KCNA2: variants seen among roughly 807,000 people sequenced by gnomAD.
KCNA2 encodes potassium voltage-gated channel subfamily A member 2.
A neutral mutation model predicts 33.4 loss-of-function variants in KCNA2; 11 were observed. The observed-to-expected ratio is 0.33, with a 90% confidence interval of 0.21 to 0.55. The LOEUF is 0.55. Ranked by LOEUF, KCNA2 falls within the 20% of genes least tolerant of loss-of-function variation. KCNA2 has a pLI of 0.93. For missense variants in KCNA2, 291 were observed against 621.6 expected (o/e 0.47, Z 5.66); for synonymous variants, 222 against 231.3 (o/e 0.96, Z 0.37).
chr1:110,605,101 T>C (rs1056627909), intron 2 of KCNA2, among the ~76,000 whole-genome samples, 156 bp from the exon 3 acceptor site: 4 of 152,180 alleles, frequency 2.6e-5, no homozygotes, highest in African/African-American at 9.7e-5. Context: ...CCTTGTAACT[T>C]GTCTGGGGAT....
intron 1 of KCNA2, among the ~76,000 whole-genome samples, chr1:110,621,335 A>G (rs567422506): frequency 3.0e-4 from 46 of 152,390 alleles, no homozygotes; most frequent in Non-Finnish European, 5.0e-4. Flanking sequence ...TTCATTAAAA[A>G]GCAACAACAA....
Position 110,602,095 on chromosome 1 carries a change from C to G in KCNA2, c.*1188G>C, listed in dbSNP as rs1440350094. ...GTCATGCCCGCGACTAGGTTAATTCCTAAGGTGCAGTCATGTGAGGTGTTC... is the reference window on the plus strand; with the variant it reads ...GTCATGCCCGCGACTAGGTTAATTCGTAAGGTGCAGTCATGTGAGGTGTTC... On this transcript the variant is annotated 3_prime_UTR_variant, in exon 3 of 3. Transcript: ENST00000316361. The G allele has an allele frequency of 6.4e-7, 1 of 1,550,528 alleles. No individual in the cohort carries two copies. The highest frequency in any genetic ancestry group is 2.4e-5 in the East Asian group (1 of 40,922).
Position 110,600,132 on chromosome 1 carries a change from T to A in KCNA2, c.*3151A>T, listed in dbSNP as rs538042859. 5 of 984,670 alleles carry A rather than the reference T, an allele frequency of 5.1e-6. No homozygotes were observed. The South Asian group carries it at 2.4e-4, about 46-fold the overall frequency. 61.0% of individuals were successfully genotyped at this position (984,670 alleles called of 1,614,324 possible). On this transcript the variant is annotated 3_prime_UTR_variant, in exon 3 of 3. Coordinates refer to ENST00000316361, the MANE Select transcript of KCNA2 (RefSeq NM_004974.4). The stretch of plus-strand genomic sequence containing the variant: ...CAGGCAAAGGTGATTACATCTGATC[T>A]TTTGTTTGTGCCTGTTAATTCATAG...
At chr1:110,627,469 A>G (rs2101471692) in intron 1 of KCNA2, among the ~76,000 whole-genome samples, 1 of 152,230 alleles carries the variant, frequency 6.6e-6, no homozygotes, top group Admixed American at 6.5e-5. Context: ...GTTTATACGG[A>G]CAACATCATG....
intron 1 of KCNA2, among the ~76,000 whole-genome samples, chr1:110,611,884 C>T (rs1396078535): frequency 6.6e-6 from 1 of 151,830 alleles, no homozygotes; most frequent in African/African-American, 2.4e-5. Flanking sequence ...TTAGCCAGCA[C>T]GGTGGTGCAT....
chr1:110,629,302 C>A (rs1423242824), intron 1 of KCNA2, among the ~76,000 whole-genome samples: 1 of 152,138 alleles, frequency 6.6e-6, no homozygotes, highest in African/African-American at 2.4e-5. Context: ...TCCAGACAAT[C>A]CCCAATGGAT....
At position 110,594,037 on chromosome 1, in the gene KCNA2, A is replaced by G. The variant is rs1648980092; in HGVS notation, c.*9246T>C. 2.0e-6 allele frequency: 3 copies of G among 1,520,186 alleles called. No individual in the cohort carries two copies. The highest frequency in any genetic ancestry group is 2.5e-5 in the East Asian group (1 of 40,034). The allele number at this position is 1,520,186 out of a possible 1,614,324, so 94.2% of individuals were successfully genotyped here. A position where few individuals can be genotyped will look rare whatever the true frequency, so the allele number is the denominator to read the frequency against. ...TCTCATTGGTCCCCAGCCTCTTATC[A>G]CCATGGAGACCCCAGTTCCCTTTCG... On this transcript the variant is annotated 3_prime_UTR_variant, in exon 3 of 3. Coordinates refer to ENST00000316361, the MANE Select transcript of KCNA2 (RefSeq NM_004974.4).
intron 1 of KCNA2, among the ~76,000 whole-genome samples, chr1:110,630,980 T>G (rs1272012338): frequency 1.3e-5 from 2 of 152,228 alleles, no homozygotes; most frequent in Non-Finnish European, 2.9e-5. Context: ...CAACGCCCCG[T>G]GCAGGAGGGC....
At position 110,601,409 on chromosome 1, in the gene KCNA2, G is replaced by A. The variant is rs1649336796; in HGVS notation, c.*1874C>T. ...CGAAAGGTTTGTGAAAGTGACGGAT[G>A]CAGAGCCAAATGATAATAAGATCCA... On this transcript the variant is annotated 3_prime_UTR_variant, in exon 3 of 3. Transcript: ENST00000316361. 1.1e-5 allele frequency: 11 copies of A among 985,440 alleles called. No homozygotes were observed. Among genetic ancestry groups the A allele is most frequent in the African/African-American group, 1.7e-5 (1 of 57,344 alleles). 61.0% of individuals were successfully genotyped at this position (985,440 alleles called of 1,614,324 possible). A position where few individuals can be genotyped will look rare whatever the true frequency, so the allele number is the denominator to read the frequency against.
intron 1 of KCNA2, among the ~76,000 whole-genome samples, chr1:110,620,100 G>A (rs1650213467): frequency 6.6e-6 from 1 of 152,068 alleles, no homozygotes; most frequent in Admixed American, 6.6e-5. Context: ...GAGTGAGAGA[G>A]AGAGAGAGAA....
At chr1:110,613,958 C>A (rs1026486544) in intron 1 of KCNA2, among the ~76,000 whole-genome samples, 3 of 152,222 alleles carry the variant, frequency 2.0e-5, no homozygotes, top group African/African-American at 7.2e-5. Context: ...AGCTTCTGCT[C>A]ACACGTGCTT....
At position 110,597,927 on chromosome 1, in the gene KCNA2, A is replaced by G. The variant is rs773813326; in HGVS notation, c.*5356T>C. ...AGTTTGAGGAAGAGAACCTTCCTGC[A>G]TGTAGGGGAGCCCCTACCTCCATCT... On this transcript the variant is annotated 3_prime_UTR_variant, in exon 3 of 3. Coordinates refer to ENST00000316361, the MANE Select transcript of KCNA2 (RefSeq NM_004974.4). The G allele has an allele frequency of 2.2e-5, 22 of 985,320 alleles. No homozygotes were observed. The highest frequency in any genetic ancestry group is 2.7e-5 in the Non-Finnish European group (22 of 829,944). 61.0% of individuals were successfully genotyped at this position (985,320 alleles called of 1,614,324 possible).
rs1649245480 is a variant in KCNA2 at position 110,599,510 on chromosome 1, G to A, written c.*3773C>T. ...TGCCCGGGATTGAACACACCCAGAG[G>A]GGAATCAGGAGTTGGCCCCTTTGGG... On this transcript the variant is annotated 3_prime_UTR_variant, in exon 3 of 3. Coordinates refer to ENST00000316361, the MANE Select transcript of KCNA2 (RefSeq NM_004974.4). The A allele has an allele frequency of 2.0e-6, 2 of 985,114 alleles. No homozygotes were observed. Among genetic ancestry groups the A allele is most frequent in the Non-Finnish European group, 2.4e-6 (2 of 829,908 alleles). The allele number at this position is 985,114 out of a possible 1,614,324, so 61.0% of individuals were successfully genotyped here.
At position 110,598,818 on chromosome 1, in the gene KCNA2, A is replaced by G; in HGVS notation, c.*4465T>C. 2 of 985,338 alleles carry G rather than the reference A, an allele frequency of 2.0e-6. No homozygotes were observed. The highest frequency in any genetic ancestry group is 2.4e-6 in the Non-Finnish European group (2 of 829,902). 61.0% of individuals were successfully genotyped at this position (985,338 alleles called of 1,614,324 possible). On this transcript the variant is annotated 3_prime_UTR_variant, in exon 3 of 3. Coordinates refer to ENST00000316361, the MANE Select transcript of KCNA2 (RefSeq NM_004974.4). ...AAGTTTCAGAAAGCACAGAGCCTTAATTATTTTCTTAATTAAATGTTGGCT... is the reference window on the plus strand; with the variant it reads ...AAGTTTCAGAAAGCACAGAGCCTTAGTTATTTTCTTAATTAAATGTTGGCT...
chr1:110,597,929 G>A lies in KCNA2; in HGVS notation c.*5354C>T. The A allele has an allele frequency of 1.0e-6, 1 of 985,446 alleles. No individual in the cohort carries two copies. The highest frequency in any genetic ancestry group is 1.2e-6 in the Non-Finnish European group (1 of 829,926). 61.0% of individuals were successfully genotyped at this position (985,446 alleles called of 1,614,324 possible). ...TTTGAGGAAGAGAACCTTCCTGCATGTAGGGGAGCCCCTACCTCCATCTGT... is the reference window on the plus strand; with the variant it reads ...TTTGAGGAAGAGAACCTTCCTGCATATAGGGGAGCCCCTACCTCCATCTGT... On this transcript the variant is annotated 3_prime_UTR_variant, in exon 3 of 3. Coordinates refer to ENST00000316361, the MANE Select transcript of KCNA2 (RefSeq NM_004974.4).
upstream of KCNA2, among the ~76,000 whole-genome samples, chr1:110,611,261 G>A (rs956240366): frequency 1.3e-5 from 2 of 152,158 alleles, no homozygotes; most frequent in Non-Finnish European, 2.9e-5. Flanking sequence ...AGTGGCATGG[G>A]CCTCCACTCC....
intron 1 of KCNA2, among the ~76,000 whole-genome samples, chr1:110,612,800 C>T (rs961934674): frequency 1.3e-5 from 2 of 152,220 alleles, no homozygotes; most frequent in African/African-American, 4.8e-5. Context: ...TCCCTCTAAA[C>T]CTCCATCCTG....
upstream of KCNA2, among the ~76,000 whole-genome samples, chr1:110,608,320 C>T (rs1649750711): frequency 6.6e-6 from 1 of 152,234 alleles, no homozygotes; most frequent in Admixed American, 6.5e-5. Flanking sequence ...TTCTGTTCTC[C>T]AGGTCCCTGT....
At position 110,602,805 on chromosome 1, in the gene KCNA2, T is replaced by C; in HGVS notation, c.*478A>G. ...TAATTCCAACACACAGGACTGTGTG[T>C]TCTTTTCAATGCAAAAATGAGTATG... On this transcript the variant is annotated 3_prime_UTR_variant, in exon 3 of 3. Coordinates refer to ENST00000316361, the MANE Select transcript of KCNA2 (RefSeq NM_004974.4). 1.0e-6 allele frequency: 1 copy of C among 997,228 alleles called. No homozygotes were observed. Among genetic ancestry groups the C allele is most frequent in the Non-Finnish European group, 1.2e-6 (1 of 837,766 alleles). The allele number at this position is 997,228 out of a possible 1,614,324, so 61.8% of individuals were successfully genotyped here.
Sources: allele counts gnomAD v4.1 joint callset (sites outside exome capture counted in the v4.1 genomes callset), GRCh38; gene constraint gnomAD v4.1.1; transcripts MANE v1.5; gene names NCBI Gene and HGNC (gene_info 2026-07-23, HGNC 2026-07-21).